CELF2: variants seen among roughly 807,000 people sequenced by gnomAD.
CELF2 encodes the protein CUGBP Elav-like family member 2.
In CELF2, 8 loss-of-function variants were observed where a neutral mutation model predicts 62.6. That is an observed-to-expected ratio of 0.13 (90% CI 0.07 to 0.23). The LOEUF is 0.23. Among genes scored for constraint, CELF2 ranks in the 10% least tolerant of loss-of-function variants. CELF2 has a pLI of 1.00. For synonymous variants in CELF2, 258 were observed against 250.0 expected (o/e 1.03, Z -0.30); for missense variants, 333 against 671.0 (o/e 0.50, Z 5.56).
chr10:10,664,681 C>G, the CELF2 span, among the ~76,000 whole-genome samples: 3 of 152,156 alleles, frequency 2.0e-5, no homozygotes, highest in East Asian at 5.8e-4. Flanking sequence ...CCATTTGAAC[C>G]ATCTTCCTTG....
intron 1 of CELF2, among the ~76,000 whole-genome samples, chr10:11,085,079 T>C (rs1259010831): frequency 2.0e-5 from 3 of 152,256 alleles, no homozygotes. Context: ...TCGTTTGGCT[T>C]TTCTTTCATT....
At chr10:11,271,463 G>A (rs1308386383) in intron 7 of CELF2, among the ~76,000 whole-genome samples, 2 of 152,292 alleles carry the variant, frequency 1.3e-5, no homozygotes, top group Middle Eastern at 3.4e-3. Context: ...TGAACAGGAC[G>A]GAGTAGTAAC....
At chr10:11,233,962 T>C (rs931055361) in intron 3 of CELF2, among the ~76,000 whole-genome samples, 13 of 152,194 alleles carry the variant, frequency 8.5e-5, no homozygotes, top group African/African-American at 2.9e-4. Context: ...TATGTGAACA[T>C]TGCTGCATCT....
chr10:10,785,199 C>T, the CELF2 span, among the ~76,000 whole-genome samples: 9 of 152,130 alleles, frequency 5.9e-5, no homozygotes, highest in South Asian at 2.1e-4. Flanking sequence ...GCAGTGGCAC[C>T]GAACCCACCC....
intron 1 of CELF2, among the ~76,000 whole-genome samples, chr10:11,143,318 G>A (rs894174745): frequency 6.6e-6 from 1 of 152,150 alleles, no homozygotes; most frequent in Non-Finnish European, 1.5e-5. Context: ...TCATGATTCT[G>A]GTTTGTTGGA....
chr10:10,534,214 T>TA, the CELF2 span, among the ~76,000 whole-genome samples: 68,597 of 134,076 alleles, frequency 0.51, 17,554 homozygotes, highest in South Asian at 0.66. Context: ...GAGGAGTTGT[T>TA]AAAAAAAAAA....
chr10:11,165,405 C>A lies in CELF2; in HGVS notation c.75-81C>A. 3 of 1,533,664 alleles carry A rather than the reference C, an allele frequency of 2.0e-6. No individual in the cohort carries two copies. The South Asian group carries it at 3.8e-5, about 20-fold the overall frequency. ...CTTCTTCCTCCTCCTTCCGCCTCCC[C>A]GCTCCCCCACCCCCACTATTTTTTC... On this transcript the variant is annotated intron_variant, in intron 1 of 12. Transcript: ENST00000633077. The surrounding 1 kb of genome is among the most constrained non-coding windows in gnomAD (Gnocchi z 7.4).
chr10:11,189,413 T>C (rs1447363434), intron 2 of CELF2, among the ~76,000 whole-genome samples: 3 of 152,240 alleles, frequency 2.0e-5, no homozygotes, highest in Admixed American at 2.0e-4. Flanking sequence ...GCTCTACCTT[T>C]TAATTGGAGT....
the CELF2 span, among the ~76,000 whole-genome samples, chr10:10,749,667 C>T: frequency 2.6e-5 from 4 of 152,066 alleles, no homozygotes; most frequent in Non-Finnish European, 4.4e-5. Context: ...GAAGGCTGCT[C>T]GGATGCATTT....
chr10:10,494,628 C>T, the CELF2 span, among the ~76,000 whole-genome samples: 2 of 152,150 alleles, frequency 1.3e-5, no homozygotes, highest in South Asian at 2.1e-4. Context: ...ATGTTAGACA[C>T]CCTCAGCATA....
rs2053863350 is a variant in CELF2 at position 10,995,557 on chromosome 10, A to G, written c.89+75558A>G. Among the ~76,000 whole-genome samples the G allele has an allele frequency of 6.6e-6, 1 of 152,230 alleles. No individual in the cohort carries two copies. The highest frequency in any genetic ancestry group is 2.4e-5 in the African/African-American group (1 of 41,464). On this transcript the variant is annotated intron_variant, in intron 2 of 13. Transcript: ENST00000636488. The surrounding 1 kb of genome is among the most constrained non-coding windows in gnomAD (Gnocchi z 4.7). ...GGAAGAAGTTCAGGTGTGCCAGGTG[A>G]GAATACCTGAGAGATGAGTTGGAGA...
Position 11,189,049 on chromosome 10 carries a change from G to A in CELF2, c.271+23367G>A, listed in dbSNP as rs148822455. ...CGATAAATAACTTTTTTGAGTCCTT[G>A]TCTGCTAATTCTAGCATCTGTATGA... On this transcript the variant is annotated intron_variant, in intron 2 of 12. Transcript: ENST00000633077. 1.6e-3 allele frequency among the ~76,000 whole-genome samples: 236 copies of A among 152,222 alleles called. 1 individual carries two copies. Among genetic ancestry groups the A allele is most frequent in the African/African-American group, 5.4e-3 (225 of 41,522 alleles).
chr10:10,801,733 T>C (rs182219758), intron 1 of CELF2, among the ~76,000 whole-genome samples: 198 of 152,364 alleles, frequency 1.3e-3, no homozygotes, highest in Admixed American at 1.6e-3. Context: ...GATCCTCATG[T>C]GTTTGGTCCA....
At chr10:11,176,476 G>A (rs1274775223) in intron 2 of CELF2, among the ~76,000 whole-genome samples, 2 of 152,214 alleles carry the variant, frequency 1.3e-5, no homozygotes, top group Non-Finnish European at 2.9e-5. Flanking sequence ...AACCATCACA[G>A]GAGACATGTA....
the CELF2 span, among the ~76,000 whole-genome samples, chr10:10,466,829 C>T: frequency 6.6e-5 from 10 of 152,016 alleles, no homozygotes; most frequent in Non-Finnish European, 1.5e-4. Context: ...TTCATGAACA[C>T]ATTGGCTTAT....
chr10:10,783,829 CA>C, the CELF2 span, among the ~76,000 whole-genome samples: 5 of 150,788 alleles, frequency 3.3e-5, no homozygotes, highest in East Asian at 3.9e-4. Flanking sequence ...ACTAAAAATA[CA>C]AAAAAAAAGT....
At chr10:11,254,250 A>T (rs1182054345) in intron 4 of CELF2, among the ~76,000 whole-genome samples, 1 of 152,260 alleles carries the variant, frequency 6.6e-6, no homozygotes, top group African/African-American at 2.4e-5. Context: ...AGTATTCCCC[A>T]TATTGCCTTT....
the CELF2 span, among the ~76,000 whole-genome samples, chr10:10,568,549 A>C: frequency 6.6e-6 from 1 of 152,174 alleles, no homozygotes; most frequent in Non-Finnish European, 1.5e-5. Flanking sequence ...CCCTTCGTTT[A>C]GAGGAGCCAA....
At position 11,243,110 on chromosome 10, in the gene CELF2, C is replaced by T. The variant is rs1274350017; in HGVS notation, c.355-6043C>T. On this transcript the variant is annotated intron_variant, in intron 3 of 12. Coordinates refer to ENST00000633077, the MANE Select transcript of CELF2 (RefSeq NM_001326342.2). The surrounding 1 kb of genome is among the most constrained non-coding windows in gnomAD (Gnocchi z 4.1). ...TATCTCTGTGTGCCGAGATGCTCCC[C>T]TCCATGAGCTCCACCTTCATTGTGC... 2.0e-5 allele frequency among the ~76,000 whole-genome samples: 3 copies of T among 152,110 alleles called. No individual in the cohort carries two copies. Among genetic ancestry groups the T allele is most frequent in the African/African-American group, 7.2e-5 (3 of 41,408 alleles).
Sources: gnomAD v4.1 joint callset for allele counts (sites outside exome capture counted in the v4.1 genomes callset) on GRCh38, gnomAD v4.1.1 for gene constraint, Gnocchi (gnomAD v3.1) non-coding constraint, MANE v1.5 for transcripts, NCBI Gene and HGNC (gene_info 2026-07-23, HGNC 2026-07-21) for gene names.